FAM20C: variants seen among roughly 807,000 people sequenced by gnomAD.
The protein encoded by FAM20C is extracellular serine/threonine protein kinase FAM20C.
A neutral mutation model predicts 51.5 loss-of-function variants in FAM20C; 40 were observed. The observed-to-expected ratio is 0.78, with a 90% CI of 0.60 to 1.01. The LOEUF is 1.01. Ranked by LOEUF, FAM20C falls within the 50% of genes least tolerant of loss-of-function variation. The probability of loss-of-function intolerance (pLI) is 0.00; values close to 1 mark genes in which losing one functional copy is unlikely to be tolerated. For synonymous variants in FAM20C, 406 were observed against 380.6 expected, an observed-to-expected ratio of 1.07 and a Z score of -0.78; for missense variants, 861 against 844.7, an observed-to-expected ratio of 1.02 and a Z score of -0.24.
At chr7:196,945 C>G (rs921656275) in intron 2 of FAM20C, among the ~76,000 whole-genome samples, 5 of 152,152 alleles carry the variant, frequency 3.3e-5, no homozygotes, top group African/African-American at 7.2e-5. Flanking sequence ...CCCCTGCCCC[C>G]CTCCAGGCCC....
intron 1 of FAM20C, 85 bp downstream of exon 1, chr7:193,889 C>T: frequency 1.4e-6 from 2 of 1,447,586 alleles, no homozygotes; most frequent in Admixed American, 2.4e-5. Context: ...CCCCAGAGGG[C>T]CGCCCCCCAT....
chr7:212,879 T>C (rs756526077), intron 3 of FAM20C, among the ~76,000 whole-genome samples: 2 of 152,224 alleles, frequency 1.3e-5, no homozygotes, highest in Non-Finnish European at 2.9e-5. Flanking sequence ...CTCAGAACTG[T>C]GCGTTCATCA....
intron 3 of FAM20C, among the ~76,000 whole-genome samples, chr7:232,990 A>T (rs1269842587): frequency 6.6e-6 from 1 of 152,244 alleles, no homozygotes; most frequent in Non-Finnish European, 1.5e-5. Context: ...CGTTCGGAAC[A>T]GCAGGAGCTG....
intron 3 of FAM20C, among the ~76,000 whole-genome samples, chr7:214,832 A>C (rs1353241400): frequency 2.0e-5 from 3 of 152,152 alleles, no homozygotes; most frequent in Admixed American, 6.5e-5. Context: ...GCGTCTTGGA[A>C]AGAAGCTTCC....
intron 3 of FAM20C, among the ~76,000 whole-genome samples, chr7:232,404 C>T (rs1487391800): frequency 6.6e-6 from 1 of 152,224 alleles, no homozygotes; most frequent in Non-Finnish European, 1.5e-5. Context: ...GACAGAGCAA[C>T]CCTCACACCT....
At chr7:229,787 G>A (rs894135003) in intron 3 of FAM20C, among the ~76,000 whole-genome samples, 1 of 152,144 alleles carries the variant, frequency 6.6e-6, no homozygotes, top group African/African-American at 2.4e-5. Flanking sequence ...GCTAATGACA[G>A]GTGGTGGTTT....
intron 3 of FAM20C, chr7:228,400 G>A: frequency 2.2e-6 from 1 of 450,938 alleles, no homozygotes; most frequent in Non-Finnish European, 4.5e-6. Flanking sequence ...GAGGACTCAG[G>A]CCCCTCTGCT....
intron 3 of FAM20C, chr7:229,184 A>C: frequency 3.8e-6 from 1 of 265,538 alleles, no homozygotes; most frequent in Non-Finnish European, 7.5e-6. Flanking sequence ...AAATAGGCGG[A>C]TTGTCTGGGC....
At chr7:240,522 GT>G (rs1295340033) in intron 3 of FAM20C, among the ~76,000 whole-genome samples, 486 of 151,944 alleles carry the variant, frequency 3.2e-3, no homozygotes, top group Non-Finnish European at 5.3e-3. Flanking sequence ...TGATGTGGAG[GT>G]GATGGTGGTG....
At chr7:235,948 G>T (rs902269536) in intron 3 of FAM20C, among the ~76,000 whole-genome samples, 5 of 152,196 alleles carry the variant, frequency 3.3e-5, no homozygotes, top group Non-Finnish European at 7.3e-5. Flanking sequence ...GGCTAACCCC[G>T]CTGGATCTGA....
chr7:213,940 C>T (rs958537265), intron 3 of FAM20C, among the ~76,000 whole-genome samples: 6 of 152,144 alleles, frequency 3.9e-5, no homozygotes, highest in Non-Finnish European at 2.9e-5. Flanking sequence ...CATGTGGGCA[C>T]GGGCCATTGA....
chr7:228,860 T>C (rs1192448937), intron 3 of FAM20C: 1 of 454,108 alleles, frequency 2.2e-6, no homozygotes, highest in Non-Finnish European at 4.4e-6. Flanking sequence ...AACAACTGCA[T>C]GCTGGCTGGA....
intron 4 of FAM20C, among the ~76,000 whole-genome samples, chr7:246,770 A>G (rs1244341031): frequency 2.6e-5 from 4 of 151,770 alleles, no homozygotes; most frequent in Non-Finnish European, 5.9e-5. Context: ...CCTCTGTGTC[A>G]TCGTAGCCCA....
chr7:236,701 G>A (rs1022003074), intron 3 of FAM20C, among the ~76,000 whole-genome samples: 1 of 126,544 alleles, frequency 7.9e-6, no homozygotes, highest in Non-Finnish European at 1.7e-5. Flanking sequence ...GATGGTCGGG[G>A]TTTCATGCGG....
At chr7:255,333 T>C (rs1788549624) in intron 5 of FAM20C, among the ~76,000 whole-genome samples, 1 of 152,230 alleles carries the variant, frequency 6.6e-6, no homozygotes, top group Admixed American at 6.5e-5. Flanking sequence ...TGACTCACGA[T>C]GGCGCCCGTC....
intron 2 of FAM20C, among the ~76,000 whole-genome samples, chr7:198,440 G>A (rs7799786): frequency 0.052 from 7,842 of 152,238 alleles, 219 homozygotes; most frequent in Middle Eastern, 0.13. Context: ...ATTCACTAGC[G>A]AAAACTGACT....
chr7:246,586 CA>C, intron 4 of FAM20C, 79 bp downstream of exon 4: 7 of 584,978 alleles, frequency 1.2e-5, no homozygotes, highest in Non-Finnish European at 1.5e-5. Flanking sequence ...CTGCACTGGA[CA>C]CAGCAGGACG....
At chr7:207,449 C>T (rs943170284) in intron 2 of FAM20C, among the ~76,000 whole-genome samples, 20 of 152,214 alleles carry the variant, frequency 1.3e-4, no homozygotes, top group Non-Finnish European at 2.6e-4. Flanking sequence ...TGGGTCATGC[C>T]GTCCTCTGTG....
intron 3 of FAM20C, among the ~76,000 whole-genome samples, chr7:222,938 G>A (rs1787301158): frequency 6.6e-6 from 1 of 152,076 alleles, no homozygotes; most frequent in South Asian, 2.1e-4. Context: ...GTGTACACAC[G>A]TGTGCATGTG....
Sources: gnomAD v4.1 joint callset for allele counts (sites outside exome capture counted in the v4.1 genomes callset) on GRCh38, gnomAD v4.1.1 for gene constraint, MANE v1.5 for transcripts, NCBI Gene and HGNC (gene_info 2026-07-23, HGNC 2026-07-21) for gene names.